POC5: variants seen among roughly 807,000 people sequenced by gnomAD.
POC5 encodes centrosomal protein POC5.
A neutral mutation model predicts 62.9 loss-of-function variants in POC5; 48 were observed. The observed-to-expected ratio is 0.76, with a 90% CI of 0.61 to 0.97. POC5 has a LOEUF of 0.97. Ranked by LOEUF, POC5 falls within the 50% of genes least tolerant of loss-of-function variation. The pLI, the probability that POC5 is intolerant of heterozygous loss-of-function variation, is 0.00. For missense variants in POC5, 696 were observed against 679.5 expected, an observed-to-expected ratio of 1.02 and a Z score of -0.27; for synonymous variants, 236 against 228.2, an observed-to-expected ratio of 1.03 and a Z score of -0.31.
Position 75,712,940 on chromosome 5 carries a change from T to C in POC5, c.-3A>G. 1 of 1,606,888 alleles carries C rather than the reference T, an allele frequency of 6.2e-7. No individual in the cohort carries two copies. The highest frequency in any genetic ancestry group is 8.5e-7 in the Non-Finnish European group (1 of 1,176,388). On this transcript the variant is annotated 5_prime_UTR_variant, in exon 2 of 12. Transcript: ENST00000428202. Reference sequence around the variant, plus strand: ...TATTTCTCCTCATCTGATGACATTCTGCACAAATGCTCTAAAACAGTAGAA... The same window carrying C: ...TATTTCTCCTCATCTGATGACATTCCGCACAAATGCTCTAAAACAGTAGAA...
At position 75,706,236 on chromosome 5, in the gene POC5, A is replaced by G. The variant is rs534040505; in HGVS notation, c.224-449T>C. Among the ~76,000 whole-genome samples, 3 of 152,318 alleles carry G rather than the reference A, an allele frequency of 2.0e-5. No individual in the cohort carries two copies. The East Asian group carries it at 5.8e-4, about 29-fold the overall frequency. ...GTAGTCAACAGATGGCAAAAAGGAA[A>G]CTGGGAAAAACCTCTCAAGAATGAC... On this transcript the variant is annotated intron_variant, in intron 3 of 11. Coordinates refer to ENST00000428202, the MANE Select transcript of POC5 (RefSeq NM_001099271.2).
At chr5:75,709,003 T>G (rs966546954) in intron 2 of POC5, among the ~76,000 whole-genome samples, 7 of 152,136 alleles carry the variant, frequency 4.6e-5, no homozygotes, top group Non-Finnish European at 1.0e-4. Context: ...CACCTAATTT[T>G]TGTACTTTTA....
At chr5:75,674,897 A>G (rs1442696928) in intron 11 of POC5, among the ~76,000 whole-genome samples, 1 of 152,242 alleles carries the variant, frequency 6.6e-6, no homozygotes, top group Non-Finnish European at 1.5e-5. Flanking sequence ...CTTTGTATAC[A>G]GAGAGAAACT....
At chr5:75,705,847 C>G in intron 3 of POC5, 60 bp from the exon 4 acceptor site, 1 of 1,054,632 alleles carries the variant, frequency 9.5e-7, no homozygotes, top group African/African-American at 1.6e-5. Flanking sequence ...AATGTCTAAT[C>G]ACACATAATT....
At chr5:75,685,608 AT>A in intron 9 of POC5, 124 bp from the exon 10 acceptor site, 1 of 908,344 alleles carries the variant, frequency 1.1e-6, no homozygotes, top group Non-Finnish European at 1.7e-6. Flanking sequence ...TTTACAGTAT[AT>A]TAGATACAAT....
At chr5:75,712,469 AAGGG>A in intron 2 of POC5, 1 of 1,593,172 alleles carries the variant, frequency 6.3e-7, no homozygotes, top group Non-Finnish European at 8.6e-7. Flanking sequence ...AGTAGAACAC[AAGGG>A]AATCTTGAGC....
At position 75,701,229 on chromosome 5, in the gene POC5, C is replaced by T. The variant is rs1212038829; in HGVS notation, c.513+1376G>A. On this transcript the variant is annotated intron_variant, in intron 5 of 11. Transcript: ENST00000428202. ...GCCATCCCATTACGGGGTATATACC[C>T]AAAGGACTATAAATCATGCGGCTAT... Among the ~76,000 whole-genome samples the T allele has an allele frequency of 2.8e-5, 4 of 142,046 alleles. No individual in the cohort carries two copies. In the East Asian group the frequency reaches 6.0e-4, roughly 21 times the overall value. 93.2% of individuals were successfully genotyped at this position (142,046 alleles called of 152,430 possible).
chr5:75,701,233 G>T (rs893326517), intron 5 of POC5, among the ~76,000 whole-genome samples: 13 of 142,032 alleles, frequency 9.2e-5, no homozygotes, highest in African/African-American at 3.3e-4. Context: ...TATACCCAAA[G>T]GACTATAAAT....
intron 4 of POC5, among the ~76,000 whole-genome samples, chr5:75,703,469 T>C (rs977656432): frequency 2.0e-5 from 3 of 151,736 alleles, no homozygotes; most frequent in Admixed American, 2.0e-4. Context: ...CTACTAAAAA[T>C]ACAAAAATTA....
chr5:75,711,404 A>G (rs1704971977), intron 2 of POC5, among the ~76,000 whole-genome samples: 1 of 152,176 alleles, frequency 6.6e-6, no homozygotes, highest in African/African-American at 2.4e-5. Flanking sequence ...TATAAGCACT[A>G]TGGATGCTGC....
At chr5:75,716,762 C>G (rs1168702462) in intron 1 of POC5, among the ~76,000 whole-genome samples, 1 of 152,188 alleles carries the variant, frequency 6.6e-6, no homozygotes, top group African/African-American at 2.4e-5. Context: ...AATTATCTGG[C>G]TGACAGCAAA....
At chr5:75,676,868 A>G (rs1228999788) in intron 11 of POC5, among the ~76,000 whole-genome samples, 1 of 151,758 alleles carries the variant, frequency 6.6e-6, no homozygotes, top group Non-Finnish European at 1.5e-5. Context: ...AAATAAATAA[A>G]TAAATCCTTG....
rs571036542 is a variant in POC5, at chr5:75,685,345, G to C, written c.1269C>G (p.Ala423=). 6.2e-7 allele frequency: 1 copy of C among 1,614,030 alleles called. No individual in the cohort carries two copies. The highest frequency in any genetic ancestry group is 8.5e-7 in the Non-Finnish European group (1 of 1,179,900). The part of the protein sequence containing the change: ...TSPLLPSPPA[A]VGGASATAVP... Reference sequence around the variant, plus strand: ...CGGCAGTCGCGCTGGCTCCTCCGACGGCGGCTGGTGGGGATGGCAGCAGTG... The same window carrying C: ...CGGCAGTCGCGCTGGCTCCTCCGACCGCGGCTGGTGGGGATGGCAGCAGTG... Residue 423 remains alanine (A), a synonymous_variant, in exon 10 of 12, where the codon GCC becomes GCG. Transcript: ENST00000428202.
At chr5:75,689,572 A>C in intron 8 of POC5, 1 of 983,276 alleles carries the variant, frequency 1.0e-6, no homozygotes, top group African/African-American at 1.7e-5. Flanking sequence ...GAATTTTTAT[A>C]ATGTAAATGT....
intron 9 of POC5, among the ~76,000 whole-genome samples, chr5:75,685,986 G>A (rs539637356): frequency 5.9e-5 from 9 of 152,056 alleles, no homozygotes; most frequent in South Asian, 4.1e-4. Flanking sequence ...TTCTTGAGTC[G>A]TCAGAAAACA....
At chr5:75,706,563 T>A (rs1382579633) in intron 3 of POC5, among the ~76,000 whole-genome samples, 2 of 105,142 alleles carry the variant, frequency 1.9e-5, no homozygotes, top group Non-Finnish European at 4.7e-5. Flanking sequence ...ATCTCGAAAG[T>A]TTTTTCTTTT....
chr5:75,680,622 A>T (rs1775831831), intron 10 of POC5, among the ~76,000 whole-genome samples: 1 of 152,140 alleles, frequency 6.6e-6, no homozygotes, highest in East Asian at 1.9e-4. Context: ...ATTGATGAAA[A>T]AGTTGAAAAT....
intron 10 of POC5, among the ~76,000 whole-genome samples, chr5:75,680,741 T>C (rs1775837940): frequency 6.6e-6 from 1 of 152,124 alleles, no homozygotes; most frequent in Non-Finnish European, 1.5e-5. Flanking sequence ...ATCAGATTGT[T>C]TGGAAAGTTT....
chr5:75,714,794 A>ACT (rs1777483056), intron 1 of POC5, among the ~76,000 whole-genome samples: 1 of 152,106 alleles, frequency 6.6e-6, no homozygotes, highest in Non-Finnish European at 1.5e-5. Flanking sequence ...GCGCTACTCC[A>ACT]AGAACTGCCA....
Sources: gnomAD v4.1 joint callset for allele counts (sites outside exome capture counted in the v4.1 genomes callset) on GRCh38, gnomAD v4.1.1 for gene constraint, MANE v1.5 for transcripts, NCBI Gene and HGNC (gene_info 2026-07-23, HGNC 2026-07-21) for gene names.